Variants in KLRF1 observed in about 807,000 individuals in gnomAD.
KLRF1 encodes killer cell lectin like receptor F1.
In KLRF1, 27 loss-of-function variants were observed where a neutral mutation model predicts 30.7. The ratio of observed to expected loss-of-function variants is 0.88; its 90% CI spans 0.65 to 1.21. The LOEUF is 1.21. KLRF1 is among the 50% of genes most tolerant of loss of function. The pLI, the probability that KLRF1 is intolerant of heterozygous loss-of-function variation, is 0.00. For synonymous variants in KLRF1, 92 were observed against 89.3 expected (o/e 1.03, Z -0.17); for missense variants, 246 against 259.3 (o/e 0.95, Z 0.35).
chr12:9,822,918 A>T (rs778879282), upstream of KLRF1, among the ~76,000 whole-genome samples: 1 of 152,344 alleles, frequency 6.6e-6, no homozygotes, highest in African/African-American at 2.4e-5. Context: ...AGAAGACTTA[A>T]CTATCCCAAA....
chr12:9,829,174 A>G (rs1374829837), intron 1 of KLRF1, among the ~76,000 whole-genome samples: 1 of 152,192 alleles, frequency 6.6e-6, no homozygotes, highest in Non-Finnish European at 1.5e-5. Context: ...CTATCCCACT[A>G]TACATATGTA....
the KLRF1 span, among the ~76,000 whole-genome samples, chr12:9,802,521 C>T: frequency 6.6e-6 from 1 of 151,934 alleles, no homozygotes; most frequent in Non-Finnish European, 1.5e-5. Flanking sequence ...AAAGGATATT[C>T]AAATAGGAAT....
intron 3 of KLRF1, among the ~76,000 whole-genome samples, chr12:9,834,533 G>A (rs976226866): frequency 7.9e-5 from 12 of 152,024 alleles, no homozygotes; most frequent in Non-Finnish European, 1.6e-4. Context: ...GGATTTTGTG[G>A]TAAGGGGTGA....
the KLRF1 span, among the ~76,000 whole-genome samples, chr12:9,819,347 C>T: frequency 6.6e-6 from 1 of 152,196 alleles, no homozygotes; most frequent in Non-Finnish European, 1.5e-5. Flanking sequence ...ATAAGACCCT[C>T]TGGCTTGGAA....
the KLRF1 span, among the ~76,000 whole-genome samples, chr12:9,811,621 A>T: frequency 3.3e-5 from 5 of 152,200 alleles, no homozygotes; most frequent in Admixed American, 3.3e-4. Flanking sequence ...GCGGAATTGG[A>T]TCTTTTATTA....
the KLRF1 span, among the ~76,000 whole-genome samples, chr12:9,802,804 A>G: frequency 3.9e-5 from 6 of 152,134 alleles, no homozygotes; most frequent in East Asian, 1.9e-4. Flanking sequence ...GCTCAAGGAA[A>G]TAAGAGAGGA....
chr12:9,800,632 T>C, the KLRF1 span, among the ~76,000 whole-genome samples: 1 of 152,042 alleles, frequency 6.6e-6, no homozygotes, highest in South Asian at 2.1e-4. Context: ...GATCATATTT[T>C]AATAAGGTTA....
At chr12:9,809,974 T>C in the KLRF1 span, among the ~76,000 whole-genome samples, 1 of 152,168 alleles carries the variant, frequency 6.6e-6, no homozygotes, top group Non-Finnish European at 1.5e-5. Flanking sequence ...TAAAGATCAA[T>C]TAGCAAGGTT....
At chr12:9,832,951 T>C (rs988596348) in intron 2 of KLRF1, among the ~76,000 whole-genome samples, 1 of 152,068 alleles carries the variant, frequency 6.6e-6, no homozygotes, top group African/African-American at 2.4e-5. Flanking sequence ...TAAGTAATTA[T>C]GGTACAATGT....
the KLRF1 span, among the ~76,000 whole-genome samples, chr12:9,807,049 A>G: frequency 6.6e-6 from 1 of 151,648 alleles, no homozygotes; most frequent in African/African-American, 2.4e-5. Flanking sequence ...GTTTAACTTT[A>G]ATTTCTTTAA....
chr12:9,833,599 T>C, intron 3 of KLRF1, 147 bp downstream of exon 3: 1 of 577,506 alleles, frequency 1.7e-6, no homozygotes. Context: ...GATTTAGGTA[T>C]CTTTAAACTT....
At chr12:9,823,038 G>A (rs1326991499), upstream of KLRF1, among the ~76,000 whole-genome samples, 1 of 151,902 alleles carries the variant, frequency 6.6e-6, no homozygotes, top group East Asian at 1.9e-4. Flanking sequence ...ACTCCAGACA[G>A]GTCATCAAGG....
Position 9,832,389 on chromosome 12 carries a change from G to T in KLRF1, c.159G>T (p.Leu53Phe). ...GAACCGTGAATGGTATTCTCACTTTGACTTTGATCTCCTTGATCCTGTTGG... is the reference window on the plus strand; with the variant it reads ...GAACCGTGAATGGTATTCTCACTTTTACTTTGATCTCCTTGATCCTGTTGG... ...ISGTVNGILTLTLISLILLVS... is the reference protein window; with the variant it reads ...ISGTVNGILTFTLISLILLVS... Residue 53 changes from leucine to phenylalanine, a missense_variant, in exon 2 of 6, where the codon TTG becomes TTT. Leu to Phe is a conservative substitution (Grantham distance 22). Transcript: ENST00000617889. 1 of 1,605,618 alleles carries T rather than the reference G, an allele frequency of 6.2e-7. No individual in the cohort carries two copies. Among genetic ancestry groups the T allele is most frequent in the South Asian group, 1.1e-5 (1 of 90,710 alleles).
At chr12:9,820,706 A>G in the KLRF1 span, among the ~76,000 whole-genome samples, 1 of 152,242 alleles carries the variant, frequency 6.6e-6, no homozygotes, top group Non-Finnish European at 1.5e-5. Flanking sequence ...TACCACTTCA[A>G]TCAAAGGCAG....
At chr12:9,808,506 A>G in the KLRF1 span, among the ~76,000 whole-genome samples, 8 of 152,278 alleles carry the variant, frequency 5.3e-5, no homozygotes, top group African/African-American at 1.9e-4. Flanking sequence ...ATTCACTTAA[A>G]GTTAACTAGC....
intron 3 of KLRF1, 103 bp from the exon 4 acceptor site, chr12:9,841,709 G>T: frequency 1.3e-6 from 1 of 792,090 alleles, no homozygotes; most frequent in Non-Finnish European, 1.9e-6. Flanking sequence ...TTTTATTGTA[G>T]CTCAACTCTT....
intron 2 of KLRF1, 122 bp downstream of exon 2, chr12:9,832,536 T>C: frequency 1.6e-6 from 1 of 630,078 alleles, no homozygotes. Context: ...TAGAAGCTAC[T>C]GCATGTAAAG....
chr12:9,814,950 C>T, the KLRF1 span, among the ~76,000 whole-genome samples: 13 of 152,078 alleles, frequency 8.5e-5, no homozygotes, highest in South Asian at 2.1e-4. Flanking sequence ...TAGTTAACGA[C>T]GATGTATTTT....
upstream of KLRF1, among the ~76,000 whole-genome samples, chr12:9,827,184 C>T (rs1867300015): frequency 6.6e-6 from 1 of 152,058 alleles, no homozygotes; most frequent in Non-Finnish European, 1.5e-5. Flanking sequence ...TAGGCTATAA[C>T]AAAAGGCAGC....
Sources: gnomAD v4.1 joint callset for allele counts (sites outside exome capture counted in the v4.1 genomes callset) on GRCh38, gnomAD v4.1.1 for gene constraint, MANE v1.5 for transcripts, NCBI Gene and HGNC (gene_info 2026-07-23, HGNC 2026-07-21) for gene names.